Variants in OPTN observed in about 807,000 individuals in gnomAD.
The protein encoded by OPTN is E3-14.7K-interacting protein.
Under a neutral mutation model 70.4 loss-of-function variants are expected in OPTN, and 54 were observed. That is an observed-to-expected ratio of 0.77 (90% CI 0.62 to 0.96). OPTN has a LOEUF of 0.96. OPTN is among the 40% of genes least tolerant of loss of function. OPTN has a pLI of 0.00. For synonymous variants in OPTN, 256 were observed against 248.5 expected (o/e 1.03, Z -0.28); for missense variants, 624 against 673.2 (o/e 0.93, Z 0.81).
intron 3 of OPTN, 153 bp downstream of exon 3, chr10:13,109,441 A>G (rs1832945299): frequency 1.4e-6 from 1 of 705,952 alleles, no homozygotes; most frequent in Admixed American, 2.8e-5. Flanking sequence ...TGGCAAGGCT[A>G]AATCTGTTCT....
intron 11 of OPTN, 151 bp from the exon 12 acceptor site, chr10:13,127,594 C>A (rs1247296843): frequency 3.7e-6 from 3 of 802,484 alleles, no homozygotes; most frequent in Admixed American, 4.6e-5. Context: ...TGGGCTCAAA[C>A]GATCCTCCCA....
intron 1 of OPTN, among the ~76,000 whole-genome samples, chr10:13,104,244 GTTT>G (rs953085944): frequency 7.6e-6 from 1 of 130,826 alleles, no homozygotes; most frequent in Non-Finnish European, 1.6e-5. Flanking sequence ...AGTTAAATTA[GTTT>G]TTTTTTCTTT....
chr10:13,104,574 C>A, intron 1 of OPTN: 1 of 620,724 alleles, frequency 1.6e-6, no homozygotes. Context: ...ATTTTTTATA[C>A]TCATTCCAAG....
chr10:13,104,619 C>A, intron 1 of OPTN: 1 of 682,090 alleles, frequency 1.5e-6, no homozygotes, highest in Non-Finnish European at 2.8e-6. Flanking sequence ...CCTCGTATTA[C>A]CACCATTCCA....
At position 13,138,134 on chromosome 10, in the gene OPTN, GAGTTAGA is replaced by G. The variant is rs914050831; in HGVS notation, c.*1272_*1278del. The G allele has an allele frequency of 3.1e-5, 6 of 196,444 alleles. No homozygotes were observed. The highest frequency in any genetic ancestry group is 1.4e-4 in the African/African-American group (6 of 43,302). The allele number at this position is 196,444 out of a possible 1,614,324, so 12.2% of individuals were successfully genotyped here. On this transcript the variant is annotated 3_prime_UTR_variant, in exon 15 of 15. Transcript: ENST00000378747. ...TACTGGAGCCCAGTATGTGCTGTGTGAGTTAGAAGTCATTCTTGCTGAGAAGGTGAAT... is the reference window on the plus strand; with the variant it reads ...TACTGGAGCCCAGTATGTGCTGTGTGAGTCATTCTTGCTGAGAAGGTGAAT...
At chr10:13,127,351 G>A (rs1833488757) in intron 11 of OPTN, among the ~76,000 whole-genome samples, 1 of 152,146 alleles carries the variant, frequency 6.6e-6, no homozygotes, top group Non-Finnish European at 1.5e-5. Context: ...CTGACTGCAG[G>A]AAGTAACAAG....
rs1832970605 is a variant in OPTN at position 13,110,441 on chromosome 10, G to A, written c.334G>A (p.Gly112Arg). 6.2e-7 allele frequency: 1 copy of A among 1,613,846 alleles called. No homozygotes were observed. The highest frequency in any genetic ancestry group is 1.3e-5 in the African/African-American group (1 of 74,874). The change falls in exon 4 of 15, where the codon GGA (glycine) becomes AGA (arginine). Residue 112 changes from glycine to arginine, a missense_variant. Coordinates refer to ENST00000378747, the MANE Select transcript of OPTN (RefSeq NM_001008212.2). ...HENEKLKEEL[G>R]KLKGKSERSS... ...GAATGAGAAATTGAAGGAAGAGCTT[G>A]GAAAACTAAAAGGGAAATCAGAAAG... is the stretch of plus-strand genomic sequence containing the variant.
chr10:13,118,570 G>A (rs1176413409), intron 6 of OPTN, among the ~76,000 whole-genome samples: 3 of 152,184 alleles, frequency 2.0e-5, no homozygotes, highest in Non-Finnish European at 2.9e-5. Context: ...CTTCAGCCAC[G>A]GCTGCCTCTG....
At chr10:13,126,987 G>T (rs932009999) in intron 11 of OPTN, among the ~76,000 whole-genome samples, 1 of 152,130 alleles carries the variant, frequency 6.6e-6, no homozygotes, top group African/African-American at 2.4e-5. Flanking sequence ...TCACGCCACT[G>T]TACTCCAGCC....
chr10:13,136,685 G>C, intron 14 of OPTN, 60 bp from the exon 15 acceptor site: 2 of 1,607,574 alleles, frequency 1.2e-6, no homozygotes, highest in Non-Finnish European at 1.7e-6. Context: ...TGTTCTTCAA[G>C]TGAAACAAAC....
At chr10:13,101,370 G>T (rs1340325552) in intron 1 of OPTN, among the ~76,000 whole-genome samples, 1 of 151,780 alleles carries the variant, frequency 6.6e-6, no homozygotes, top group Non-Finnish European at 1.5e-5. Flanking sequence ...ATTATGCTAG[G>T]AATATAACTA....
At chr10:13,122,516 C>G in intron 8 of OPTN, 29 bp downstream of exon 8, 1 of 1,368,360 alleles carries the variant, frequency 7.3e-7, no homozygotes, top group South Asian at 1.2e-5. Flanking sequence ...CGGCCACTAC[C>G]ACACCCACAC....
At position 13,137,099 on chromosome 10, in the gene OPTN, C is replaced by T. The variant is rs998937167; in HGVS notation, c.*233C>T. 29 of 526,120 alleles carry T rather than the reference C, an allele frequency of 5.5e-5. No homozygotes were observed. Among genetic ancestry groups the T allele is most frequent in the African/African-American group, 4.9e-4 (26 of 52,692 alleles). The allele number at this position is 526,120 out of a possible 1,614,324, so 32.6% of individuals were successfully genotyped here. A position where few individuals can be genotyped will look rare whatever the true frequency, so the allele number is the denominator to read the frequency against. On this transcript the variant is annotated 3_prime_UTR_variant, in exon 15 of 15. Transcript: ENST00000378747. ...TTTGAGACCAGCCTGGCCAACATGG[C>T]GGAACCCTGTCTCTACCAAAATTAC...
intron 14 of OPTN, among the ~76,000 whole-genome samples, chr10:13,135,066 C>T (rs920832287): frequency 6.6e-6 from 1 of 152,144 alleles, no homozygotes; most frequent in Non-Finnish European, 1.5e-5. Context: ...CTGCTGAACA[C>T]AATCTCAAAT....
rs1833708819 is a variant in OPTN at position 13,136,732 on chromosome 10, T to C, written c.1613-13T>C. 1 of 1,613,938 alleles carries C rather than the reference T, an allele frequency of 6.2e-7. No homozygotes were observed. The highest frequency in any genetic ancestry group is 1.3e-5 in the African/African-American group (1 of 75,038). On this transcript the variant is annotated splice_polypyrimidine_tract_variant and intron_variant, in intron 14 of 14. Coordinates refer to ENST00000378747, the MANE Select transcript of OPTN (RefSeq NM_001008212.2). The stretch of plus-strand genomic sequence containing the variant: ...CAAAATGGAACTAATGGAATTATCA[T>C]ACTTATTCCCAGGAGCTGAGGACAG...
intron 5 of OPTN, among the ~76,000 whole-genome samples, chr10:13,114,628 T>C (rs1833081321): frequency 6.7e-6 from 1 of 148,752 alleles, no homozygotes; most frequent in African/African-American, 2.5e-5. Flanking sequence ...AGAACCCCCA[T>C]GGCCCCAAGC....
chr10:13,124,255 A>C, intron 9 of OPTN, 145 bp downstream of exon 9: 3 of 586,672 alleles, frequency 5.1e-6, no homozygotes, highest in Non-Finnish European at 9.1e-6. Context: ...GAATATACTA[A>C]TGTTCCAGTT....
chr10:13,134,558 A>G (rs1833659124), intron 14 of OPTN, among the ~76,000 whole-genome samples: 1 of 152,028 alleles, frequency 6.6e-6, no homozygotes, highest in East Asian at 1.9e-4. Flanking sequence ...TCAGCCTCCC[A>G]AGTAGCTAGG....
At chr10:13,119,314 GT>G (rs1477703958) in intron 7 of OPTN, among the ~76,000 whole-genome samples, 2 of 152,150 alleles carry the variant, frequency 1.3e-5, no homozygotes, top group Non-Finnish European at 2.9e-5. Context: ...ACAGTCTGTG[GT>G]TTTTTGTGAC....
Sources: allele counts gnomAD v4.1 joint callset (sites outside exome capture counted in the v4.1 genomes callset), GRCh38; gene constraint gnomAD v4.1.1; transcripts MANE v1.5; gene names NCBI Gene and HGNC (gene_info 2026-07-23, HGNC 2026-07-21).